TENM2: variants seen among roughly 807,000 people sequenced by gnomAD.
TENM2 encodes teneurin-2.
Under a neutral mutation model 245.2 loss-of-function variants are expected in TENM2, and 52 were observed. The observed-to-expected ratio is 0.21, with a 90% CI of 0.17 to 0.27. TENM2 has a LOEUF of 0.27. Ranked by LOEUF, TENM2 falls within the 10% of genes least tolerant of loss-of-function variation. The pLI, the probability that TENM2 is intolerant of heterozygous loss-of-function variation, is 1.00. For missense variants in TENM2, 3,046 were observed against 3,666.8 expected, an observed-to-expected ratio of 0.83 and a Z score of 4.37; for synonymous variants, 1,363 against 1,438.9, an observed-to-expected ratio of 0.95 and a Z score of 1.19.
At chr5:167,920,175 C>T (rs771129035) in intron 3 of TENM2, among the ~76,000 whole-genome samples, 14 of 151,832 alleles carry the variant, frequency 9.2e-5, no homozygotes, top group Non-Finnish European at 1.5e-4. Flanking sequence ...GAGGATTAAA[C>T]GCCAAAATTA....
chr5:167,556,200 A>G (rs748232267), intron 2 of TENM2, among the ~76,000 whole-genome samples: 3 of 152,130 alleles, frequency 2.0e-5, no homozygotes, highest in Non-Finnish European at 4.4e-5. Flanking sequence ...TCATTGCTTA[A>G]TTGATTTAAT....
At chr5:167,020,665 G>A in the TENM2 span, among the ~76,000 whole-genome samples, 2 of 152,192 alleles carry the variant, frequency 1.3e-5, no homozygotes, top group Non-Finnish European at 2.9e-5. Flanking sequence ...ATTGGTGTGA[G>A]TCAGAAGCCA....
At chr5:167,125,334 ATGCACTC>A in the TENM2 span, among the ~76,000 whole-genome samples, 1 of 152,240 alleles carries the variant, frequency 6.6e-6, no homozygotes, top group Non-Finnish European at 1.5e-5. Context: ...AGTAACTTTG[ATGCACTC>A]TGCAAATGCA....
intron 1 of TENM2, among the ~76,000 whole-genome samples, chr5:167,334,862 ACTTGT>A (rs1757664431): frequency 6.6e-6 from 1 of 152,180 alleles, no homozygotes; most frequent in African/African-American, 2.4e-5. Flanking sequence ...TTTATGGAGG[ACTTGT>A]AGCCTTAAAA....
intron 2 of TENM2, among the ~76,000 whole-genome samples, chr5:167,508,781 A>G (rs1478261777): frequency 6.6e-6 from 1 of 152,200 alleles, no homozygotes. Context: ...TGTATTAATT[A>G]GAACCTCAAG....
intron 2 of TENM2, among the ~76,000 whole-genome samples, chr5:167,537,696 C>T (rs73801273): frequency 0.026 from 3,927 of 152,306 alleles, 63 homozygotes; most frequent in South Asian, 0.044. Context: ...TGTCTTCTTC[C>T]ATCTTCCCAG....
chr5:168,032,139 A>C (rs947533471), intron 5 of TENM2, among the ~76,000 whole-genome samples: 1 of 152,216 alleles, frequency 6.6e-6, no homozygotes, highest in Non-Finnish European at 1.5e-5. Context: ...CTTGGACAAC[A>C]TACTTAATCT....
At chr5:167,901,739 G>A (rs1775720565) in intron 3 of TENM2, among the ~76,000 whole-genome samples, 1 of 152,136 alleles carries the variant, frequency 6.6e-6, no homozygotes, top group Non-Finnish European at 1.5e-5. Context: ...CTTCCATCAT[G>A]CTGGCACATC....
chr5:168,057,329 A>ACACACT (rs1554187401), intron 6 of TENM2, among the ~76,000 whole-genome samples: 7 of 151,474 alleles, frequency 4.6e-5, no homozygotes, highest in Non-Finnish European at 8.8e-5. Context: ...ACACACACAC[A>ACACACT]CACTCACTCA....
At chr5:167,089,770 A>G in the TENM2 span, among the ~76,000 whole-genome samples, 4 of 152,182 alleles carry the variant, frequency 2.6e-5, no homozygotes, top group Non-Finnish European at 5.9e-5. Flanking sequence ...AGGAAGAAAT[A>G]TCACTTCGCT....
intron 2 of TENM2, among the ~76,000 whole-genome samples, chr5:167,872,656 G>C (rs1773086701): frequency 6.6e-6 from 1 of 152,224 alleles, no homozygotes; most frequent in Non-Finnish European, 1.5e-5. Flanking sequence ...AGTAAGCAGA[G>C]TTGAAGGAGC....
chr5:167,380,607 C>G (rs797013286), intron 2 of TENM2, among the ~76,000 whole-genome samples: 2 of 152,212 alleles, frequency 1.3e-5, no homozygotes, highest in African/African-American at 4.8e-5. Flanking sequence ...CAAGGAATGG[C>G]TCCATTCAAT....
At chr5:167,933,386 G>A (rs78125231) in intron 3 of TENM2, among the ~76,000 whole-genome samples, 1,526 of 152,272 alleles carry the variant, frequency 0.01, 22 homozygotes, top group African/African-American at 0.034. Flanking sequence ...GATTGACAGC[G>A]TGACCTCAAG....
intron 2 of TENM2, among the ~76,000 whole-genome samples, chr5:167,849,529 T>G (rs751742569): frequency 9.9e-5 from 15 of 152,050 alleles, no homozygotes; most frequent in African/African-American, 1.7e-4. Context: ...GTCCACTACT[T>G]CAATTCAATT....
rs910431744 is a variant in TENM2 at position 167,560,260 on chromosome 5, C to T, written c.502+184787C>T. On this transcript the variant is annotated intron_variant, in intron 2 of 28. Transcript: ENST00000518659. ...TGAAGGCTGTGGTCCCAGAGCACTC[C>T]GTCTCTAACCTCTTTAGTCTCTCTT... Among the ~76,000 whole-genome samples, 6 of 152,162 alleles carry T rather than the reference C, an allele frequency of 3.9e-5. No individual in the cohort carries two copies. The East Asian group carries it at 7.7e-4, about 20-fold the overall frequency.
the TENM2 span, among the ~76,000 whole-genome samples, chr5:167,185,312 T>A: frequency 3.3e-5 from 5 of 152,078 alleles, no homozygotes; most frequent in African/African-American, 1.2e-4. Context: ...AAGAACCTAG[T>A]TGATTTGGGG....
chr5:167,132,038 G>T, the TENM2 span, among the ~76,000 whole-genome samples: 1 of 151,996 alleles, frequency 6.6e-6, no homozygotes, highest in Admixed American at 6.6e-5. Flanking sequence ...GGCCAGGCTG[G>T]TCTCCAACTC....
At chr5:168,202,613 G>A (rs1271339314) in intron 17 of TENM2, among the ~76,000 whole-genome samples, 1 of 151,344 alleles carries the variant, frequency 6.6e-6, no homozygotes, top group Non-Finnish European at 1.5e-5. Flanking sequence ...ATATATCAAG[G>A]CCACAAGCCA....
chr5:168,055,176 C>T (rs1425289963), intron 6 of TENM2, among the ~76,000 whole-genome samples: 1 of 152,050 alleles, frequency 6.6e-6, no homozygotes, highest in Non-Finnish European at 1.5e-5. Context: ...ATTCATAGGA[C>T]GCTGGACAAC....
Sources: allele counts gnomAD v4.1 joint callset (sites outside exome capture counted in the v4.1 genomes callset), GRCh38; gene constraint gnomAD v4.1.1; transcripts MANE v1.5; gene names NCBI Gene and HGNC (gene_info 2026-07-23, HGNC 2026-07-21).